Variants in LRBA observed in about 807,000 individuals in gnomAD.
The protein encoded by LRBA is lipopolysaccharide-responsive and beige-like anchor protein.
LRBA carries 176 observed loss-of-function variants against 330.0 expected under a neutral mutation model. That is an observed-to-expected ratio of 0.53 (90% CI 0.47 to 0.60). LRBA has a LOEUF of 0.60. Ranked by LOEUF, LRBA falls within the 20% of genes least tolerant of loss-of-function variation. The pLI is 0.00. For missense variants in LRBA, 3,259 were observed against 3,444.8 expected, an observed-to-expected ratio of 0.95 and a Z score of 1.35; for synonymous variants, 1,230 against 1,193.0, an observed-to-expected ratio of 1.03 and a Z score of -0.64.
At chr4:150,888,705 T>C (rs1729186793) in intron 17 of LRBA, among the ~76,000 whole-genome samples, 1 of 151,204 alleles carries the variant, frequency 6.6e-6, no homozygotes, top group Non-Finnish European at 1.5e-5. Context: ...AAAAACAACA[T>C]AGAAAAAGAG....
intron 2 of LRBA, among the ~76,000 whole-genome samples, chr4:150,985,731 C>G (rs1741387201): frequency 6.6e-6 from 1 of 152,070 alleles, no homozygotes; most frequent in Non-Finnish European, 1.5e-5. Flanking sequence ...ATCTCCTGAC[C>G]TCGTGATCCG....
rs182265162 is a variant in LRBA at position 150,921,658 on chromosome 4, T to G, written c.550-365A>C. On this transcript the variant is annotated intron_variant, in intron 4 of 56. Coordinates refer to ENST00000651943, the MANE Select transcript of LRBA (RefSeq NM_001364905.1). The stretch of plus-strand genomic sequence containing the variant: ...CGCCATCTCGGCTCACCATAAACTC[T>G]GCCTCCCAGATTCAAGTGATTCACC... Among the ~76,000 whole-genome samples the G allele has an allele frequency of 1.6e-3, 251 of 152,180 alleles. 1 individual carries two copies. Among genetic ancestry groups the G allele is most frequent in the Non-Finnish European group, 1.6e-3 (107 of 67,986 alleles).
chr4:150,723,723 C>T (rs2122920), intron 36 of LRBA, among the ~76,000 whole-genome samples: 13,501 of 152,210 alleles, frequency 0.089, 1,040 homozygotes, highest in African/African-American at 0.22. Context: ...TGTACCAGCT[C>T]GGCTACATGG....
chr4:150,999,976 A>G (rs1361696463), intron 2 of LRBA, among the ~76,000 whole-genome samples: 1 of 152,218 alleles, frequency 6.6e-6, no homozygotes, highest in Non-Finnish European at 1.5e-5. Flanking sequence ...TATATACACT[A>G]TGTTTTTTTG....
chr4:150,491,149 A>T (rs1758894873), intron 40 of LRBA, 114 bp from the exon 41 acceptor site: 3 of 458,532 alleles, frequency 6.5e-6, no homozygotes, highest in African/African-American at 6.0e-5. Flanking sequence ...TTTAAGAAAA[A>T]GGATTTAATA....
rs767955681 is a variant in LRBA at position 150,867,726 on chromosome 4, T to C, written c.2711A>G (p.Tyr904Cys). The C allele has an allele frequency of 1.7e-5, 27 of 1,613,778 alleles. No individual in the cohort carries two copies. In the Admixed American group the frequency reaches 3.8e-4, roughly 23 times the overall value. The change falls in exon 22 of 57, where the codon TAT (tyrosine) becomes TGT (cysteine). Residue 904 changes from tyrosine (Y) to cysteine (C), a missense_variant. Tyr to Cys is a radical substitution (Grantham distance 194, BLOSUM62 -2). Transcript: ENST00000651943. ...CCATACACGCCAGCCACCCCACTCA[T>C]ATTTGACTGCATGGTAAAGCAGGAT... is the stretch of plus-strand genomic sequence containing the variant. ...FRILLYHAVKYEWGGWRVWVD... is the reference protein window; with the variant it reads ...FRILLYHAVKCEWGGWRVWVD...
In LRBA at chr4:150,271,333, C is replaced by A. The variant is rs1746066005; in HGVS notation, c.8469-5521G>T. 2.7e-5 allele frequency among the ~76,000 whole-genome samples: 4 copies of A among 148,490 alleles called. No individual in the cohort carries two copies. In the South Asian group the frequency reaches 8.9e-4, roughly 33 times the overall value. ...CAGGAGTTTTTTTTTTTTTTTCATACCCCAGTGGTGCCTGGAATGCCAGCG... is the reference window on the plus strand; with the variant it reads ...CAGGAGTTTTTTTTTTTTTTTCATAACCCAGTGGTGCCTGGAATGCCAGCG... On this transcript the variant is annotated intron_variant, in intron 56 of 56. Transcript: ENST00000651943.
At chr4:150,824,030 C>T (rs1256089454) in intron 30 of LRBA, among the ~76,000 whole-genome samples, 2 of 152,096 alleles carry the variant, frequency 1.3e-5, no homozygotes, top group African/African-American at 2.4e-5. Context: ...GTAGCATGAA[C>T]ATTTTAACAC....
intron 40 of LRBA, among the ~76,000 whole-genome samples, chr4:150,501,642 C>T (rs1305360306): frequency 2.0e-5 from 3 of 151,428 alleles, no homozygotes; most frequent in Non-Finnish European, 4.4e-5. Context: ...ATTCTGGGAA[C>T]ACATGAACAT....
At chr4:150,731,148 C>T (rs938846152) in intron 36 of LRBA, among the ~76,000 whole-genome samples, 1 of 152,094 alleles carries the variant, frequency 6.6e-6, no homozygotes, top group African/African-American at 2.4e-5. Context: ...ATAACAAACG[C>T]TGTCGAGGAT....
chr4:150,861,826 A>G (rs1751980286), intron 22 of LRBA, among the ~76,000 whole-genome samples: 1 of 152,138 alleles, frequency 6.6e-6, no homozygotes, highest in South Asian at 2.1e-4. Flanking sequence ...TTGTAAAAAG[A>G]TATTTTCTGA....
chr4:150,270,079 T>C (rs1745867304), intron 56 of LRBA, among the ~76,000 whole-genome samples: 1 of 152,234 alleles, frequency 6.6e-6, no homozygotes, highest in Non-Finnish European at 1.5e-5. Flanking sequence ...TGTTAAAAAA[T>C]AGAGCAAGGT....
chr4:150,471,804 T>G, intron 42 of LRBA, 65 bp from the exon 43 acceptor site: 1 of 804,332 alleles, frequency 1.2e-6, no homozygotes, highest in Non-Finnish European at 2.1e-6. Flanking sequence ...ATGAATTATC[T>G]GTGCTTATTC....
At chr4:150,398,367 G>T (rs535926677) in intron 47 of LRBA, among the ~76,000 whole-genome samples, 1 of 152,072 alleles carries the variant, frequency 6.6e-6, no homozygotes, top group East Asian at 1.9e-4. Flanking sequence ...TCATAAAAAT[G>T]AAAAAGTAAA....
At chr4:150,307,663 C>G (rs1328977650) in intron 52 of LRBA, among the ~76,000 whole-genome samples, 1 of 151,968 alleles carries the variant, frequency 6.6e-6, no homozygotes, top group Non-Finnish European at 1.5e-5. Flanking sequence ...AGGAGATCAC[C>G]TGAGGCCAGG....
chr4:150,274,356 G>A (rs1285106086), intron 56 of LRBA, among the ~76,000 whole-genome samples: 3 of 152,014 alleles, frequency 2.0e-5, no homozygotes, highest in Non-Finnish European at 4.4e-5. Context: ...AGAGAAAGCA[G>A]GAAAGATTTA....
intron 22 of LRBA, among the ~76,000 whole-genome samples, chr4:150,857,621 C>A (rs778635059): frequency 6.6e-6 from 1 of 152,054 alleles, no homozygotes; most frequent in Non-Finnish European, 1.5e-5. Context: ...ATTTATCCTA[C>A]AAAATAAGGG....
chr4:150,562,333 T>C (rs1277526642), intron 40 of LRBA, among the ~76,000 whole-genome samples: 1 of 152,230 alleles, frequency 6.6e-6, no homozygotes, highest in Non-Finnish European at 1.5e-5. Flanking sequence ...TAGAAGGATA[T>C]ACATACATAC....
intron 37 of LRBA, among the ~76,000 whole-genome samples, chr4:150,639,444 T>A (rs901046540): frequency 2.7e-5 from 4 of 146,378 alleles, no homozygotes. Context: ...AATTAATCTA[T>A]CTAAAAATAA....
Sources: allele counts gnomAD v4.1 joint callset (sites outside exome capture counted in the v4.1 genomes callset), GRCh38; gene constraint gnomAD v4.1.1; transcripts MANE v1.5; gene names NCBI Gene and HGNC (gene_info 2026-07-23, HGNC 2026-07-21).